PALM2AKAP2: variants seen among roughly 807,000 people sequenced by gnomAD.
PALM2AKAP2 encodes PALM2-AKAP2 fusion protein.
Under a neutral mutation model 71.5 loss-of-function variants are expected in PALM2AKAP2, and 37 were observed. That is an observed-to-expected ratio of 0.52 (90% CI 0.40 to 0.68). The LOEUF (loss-of-function observed/expected upper bound fraction) is 0.68. Ranked by LOEUF, PALM2AKAP2 falls within the 30% of genes least tolerant of loss-of-function variation. The pLI is 0.00. For missense variants in PALM2AKAP2, 1,224 were observed against 1,191.8 expected (o/e 1.03, Z -0.40); for synonymous variants, 468 against 478.8 (o/e 0.98, Z 0.29).
chr9:109,815,171 G>A (rs2131461058), intron 1 of PALM2AKAP2, among the ~76,000 whole-genome samples: 1 of 152,248 alleles, frequency 6.6e-6, no homozygotes, highest in Non-Finnish European at 1.5e-5. Flanking sequence ...ATTGAGTAAA[G>A]GGTGAGAGGT....
intron 7 of PALM2AKAP2, among the ~76,000 whole-genome samples, chr9:110,037,905 A>T (rs1261342920): frequency 6.6e-6 from 1 of 152,144 alleles, no homozygotes; most frequent in African/African-American, 2.4e-5. Flanking sequence ...TTTGGGATTC[A>T]CCTGTGCACA....
chr9:110,088,656 C>T (rs994024535), intron 1 of PALM2AKAP2, among the ~76,000 whole-genome samples: 1 of 149,648 alleles, frequency 6.7e-6, no homozygotes, highest in African/African-American at 2.5e-5. Context: ...TATAGCTGCA[C>T]TCTCCAGCCA....
At chr9:109,869,087 A>T (rs1396715806) in intron 2 of PALM2AKAP2, among the ~76,000 whole-genome samples, 2 of 152,210 alleles carry the variant, frequency 1.3e-5, no homozygotes, top group African/African-American at 4.8e-5. Context: ...AAGAGGACCG[A>T]ATGAAAAAAG....
At chr9:110,125,275 T>C (rs1454625145) in intron 1 of PALM2AKAP2, among the ~76,000 whole-genome samples, 1 of 152,202 alleles carries the variant, frequency 6.6e-6, no homozygotes, top group Admixed American at 6.5e-5. Flanking sequence ...TGCTAACTGA[T>C]TCACCTCAAC....
chr9:109,929,116 A>G (rs1336222241), intron 5 of PALM2AKAP2, among the ~76,000 whole-genome samples: 2 of 151,950 alleles, frequency 1.3e-5, no homozygotes, highest in Non-Finnish European at 2.9e-5. Flanking sequence ...GCTGAGACAT[A>G]AGCCCTGGGA....
At position 110,138,051 on chromosome 9, in the gene PALM2AKAP2, C is replaced by T. The variant is rs145889855; in HGVS notation, c.2081C>T (p.Ala694Val). Residue 694 changes from alanine (A) to valine (V), a missense_variant, in exon 2 of 4, where the codon GCG becomes GTG. By Grantham distance (64) the Ala-to-Val change is moderately conservative. Transcript: ENST00000374525. ...GGAGCAGAGCAACAGGGACCTGAAG[C>T]GACTGTAGAGGAAGCTGAAGCTGCG... is the stretch of plus-strand genomic sequence containing the variant. 1.2e-4 allele frequency: 190 copies of T among 1,609,002 alleles called. No homozygotes were observed. The African/African-American group carries it at 2.1e-3, about 18-fold the overall frequency.
At chr9:109,780,273 G>T (rs1829417431), upstream of PALM2AKAP2, 1 of 1,198,108 alleles carries the variant, frequency 8.3e-7, no homozygotes, top group Non-Finnish European at 1.0e-6. Context: ...CTGGGGCGCA[G>T]CCAGGCGGCC....
At chr9:109,952,128 C>G (rs1000710003) in intron 6 of PALM2AKAP2, among the ~76,000 whole-genome samples, 3 of 152,254 alleles carry the variant, frequency 2.0e-5, no homozygotes, top group Non-Finnish European at 4.4e-5. Context: ...GTTACAACTA[C>G]TCAGCTCTGC....
chr9:109,929,887 A>AAAAAAT (rs768243071), intron 5 of PALM2AKAP2, among the ~76,000 whole-genome samples: 6 of 143,630 alleles, frequency 4.2e-5, no homozygotes, highest in Non-Finnish European at 9.1e-5. Flanking sequence ...AAAAAAAAAA[A>AAAAAAT]GAGAGAGAAT....
At chr9:110,166,123 G>C (rs1836728252) in intron 3 of PALM2AKAP2, among the ~76,000 whole-genome samples, 2 of 152,286 alleles carry the variant, frequency 1.3e-5, no homozygotes, top group South Asian at 4.1e-4. Flanking sequence ...CCTTTCACAT[G>C]ATGATAGAAA....
chr9:110,155,498 G>C (rs557081618), intron 2 of PALM2AKAP2, among the ~76,000 whole-genome samples: 47 of 152,290 alleles, frequency 3.1e-4, no homozygotes, highest in African/African-American at 9.9e-4. Flanking sequence ...GTGAGGGTGC[G>C]TAGAGTCACC....
At chr9:110,002,193 A>G (rs909102480) in intron 6 of PALM2AKAP2, among the ~76,000 whole-genome samples, 2 of 152,104 alleles carry the variant, frequency 1.3e-5, no homozygotes, top group African/African-American at 4.8e-5. Context: ...CGTCCCATCA[A>G]TACCCAATTT....
intron 7 of PALM2AKAP2, among the ~76,000 whole-genome samples, chr9:110,029,486 AG>A (rs1833241143): frequency 6.6e-6 from 1 of 152,196 alleles, no homozygotes; most frequent in Non-Finnish European, 1.5e-5. Context: ...ATGCTTCCTG[AG>A]GACATCTGTC....
intron 1 of PALM2AKAP2, among the ~76,000 whole-genome samples, chr9:109,782,913 T>C (rs1826858576): frequency 6.6e-6 from 1 of 152,072 alleles, no homozygotes; most frequent in Admixed American, 6.5e-5. Context: ...ACCCTGACTC[T>C]CTCATCACTT....
At chr9:109,882,252 A>T (rs1829870386) in intron 3 of PALM2AKAP2, among the ~76,000 whole-genome samples, 1 of 152,038 alleles carries the variant, frequency 6.6e-6, no homozygotes, top group Admixed American at 6.6e-5. Context: ...GCAAATTAAG[A>T]CTCTGAGGGC....
chr9:109,863,299 A>G (rs181719238), intron 1 of PALM2AKAP2, among the ~76,000 whole-genome samples: 1 of 152,352 alleles, frequency 6.6e-6, no homozygotes, highest in Admixed American at 6.5e-5. Context: ...AAAGATGTGG[A>G]AACTGGCCAG....
intron 1 of PALM2AKAP2, among the ~76,000 whole-genome samples, chr9:110,094,981 C>T (rs1280653773): frequency 1.3e-5 from 2 of 152,172 alleles, no homozygotes; most frequent in Non-Finnish European, 2.9e-5. Flanking sequence ...TATTTGGCTG[C>T]CTCTGGCAAA....
At chr9:110,133,681 A>G (rs1206592582) in intron 1 of PALM2AKAP2, among the ~76,000 whole-genome samples, 1 of 151,858 alleles carries the variant, frequency 6.6e-6, no homozygotes, top group African/African-American at 2.4e-5. Flanking sequence ...CCGGCCCCCA[A>G]GCCAAAAAGG....
intron 3 of PALM2AKAP2, among the ~76,000 whole-genome samples, chr9:109,908,452 G>A (rs1206950557): frequency 1.3e-5 from 2 of 152,184 alleles, no homozygotes; most frequent in Admixed American, 6.5e-5. Context: ...ACTGGTGGAA[G>A]GTCATAAGTT....
Sources: gnomAD v4.1 joint callset for allele counts (sites outside exome capture counted in the v4.1 genomes callset) on GRCh38, gnomAD v4.1.1 for gene constraint, MANE v1.5 for transcripts, NCBI Gene and HGNC (gene_info 2026-07-23, HGNC 2026-07-21) for gene names.